The following FAM135B variants were observed in gnomAD, a reference collection of about 807,000 sequenced individuals.
The protein encoded by FAM135B is protein FAM135B.
A neutral mutation model predicts 127.7 loss-of-function variants in FAM135B; 43 were observed. The observed-to-expected ratio is 0.34, with a 90% confidence interval of 0.26 to 0.43. The LOEUF (loss-of-function observed/expected upper bound fraction) is 0.43, where lower values mean the gene tolerates loss of function less well. Ranked by LOEUF, FAM135B falls within the 20% of genes least tolerant of loss-of-function variation. FAM135B has a pLI of 1.00. For missense variants in FAM135B, 1,558 were observed against 1,725.6 expected, an observed-to-expected ratio of 0.90 and a Z score of 1.72; for synonymous variants, 670 against 665.1, an observed-to-expected ratio of 1.01 and a Z score of -0.11.
intron 1 of FAM135B, among the ~76,000 whole-genome samples, chr8:138,414,974 A>G (rs1834059373): frequency 6.6e-6 from 1 of 152,204 alleles, no homozygotes; most frequent in African/African-American, 2.4e-5. Flanking sequence ...TAAAGGGTCC[A>G]GAATCCAGAA....
chr8:138,361,089 C>G (rs970935703), intron 2 of FAM135B, among the ~76,000 whole-genome samples: 1 of 152,108 alleles, frequency 6.6e-6, no homozygotes, highest in African/African-American at 2.4e-5. Context: ...CCATGTCCAG[C>G]TAATTTTTTT....
chr8:138,414,943 T>C (rs968316075), intron 1 of FAM135B, among the ~76,000 whole-genome samples: 1 of 152,122 alleles, frequency 6.6e-6, no homozygotes, highest in African/African-American at 2.4e-5. Flanking sequence ...AAGCACCAAA[T>C]GGTTTCCTAT....
intron 3 of FAM135B, among the ~76,000 whole-genome samples, chr8:138,281,823 AT>A (rs1313585501): frequency 3.9e-5 from 6 of 152,120 alleles, no homozygotes; most frequent in Non-Finnish European, 8.8e-5. Flanking sequence ...TTTTTAAATT[AT>A]TTTAGAGACA....
At chr8:138,263,921 A>G (rs1822724596) in intron 4 of FAM135B, among the ~76,000 whole-genome samples, 2 of 152,242 alleles carry the variant, frequency 1.3e-5, no homozygotes, top group Non-Finnish European at 2.9e-5. Flanking sequence ...GAGAGGGACG[A>G]CAAAATTCTA....
intron 1 of FAM135B, among the ~76,000 whole-genome samples, chr8:138,468,914 G>A (rs142291606): frequency 0.013 from 2,039 of 152,162 alleles, 16 homozygotes; most frequent in South Asian, 0.024. Context: ...GCATGGTGGC[G>A]CATGCCTGTA....
chr8:138,465,224 G>T (rs1440452099), intron 1 of FAM135B, among the ~76,000 whole-genome samples: 3 of 152,278 alleles, frequency 2.0e-5, no homozygotes, highest in South Asian at 2.1e-4. Context: ...CACGTATCAG[G>T]TGTTTAGACC....
At chr8:138,319,534 G>A (rs1512401) in intron 2 of FAM135B, among the ~76,000 whole-genome samples, 139,855 of 152,096 alleles carry the variant, frequency 0.92, 64,903 homozygotes, top group Non-Finnish European at 0.98. Flanking sequence ...ATGGGCCATT[G>A]GTTTCATCAG....
rs191713322 is a variant in FAM135B at position 138,146,882 on chromosome 8, C to T, written c.3449-832G>A. 2.7e-3 allele frequency among the ~76,000 whole-genome samples: 405 copies of T among 152,280 alleles called. 2 individuals are homozygous for T. The highest frequency in any genetic ancestry group is 9.4e-3 in the African/African-American group (390 of 41,568). On this transcript the variant is annotated intron_variant, in intron 14 of 19. Transcript: ENST00000395297. ...TGGATATATAAATTACCTACTTTGT[C>T]ATGTAAATATACCCCACAGGTCATA... is the stretch of plus-strand genomic sequence containing the variant.
chr8:138,337,707 C>T (rs910779102), intron 2 of FAM135B, among the ~76,000 whole-genome samples: 1 of 152,036 alleles, frequency 6.6e-6, no homozygotes, highest in Non-Finnish European at 1.5e-5. Flanking sequence ...AGATTCAATG[C>T]CATCCCCATC....
chr8:138,346,814 TG>T (rs1829441708), intron 2 of FAM135B, among the ~76,000 whole-genome samples: 1 of 152,166 alleles, frequency 6.6e-6, no homozygotes, highest in African/African-American at 2.4e-5. Context: ...ACATGTACCC[TG>T]GAACTTAAAA....
chr8:138,365,568 T>C (rs1830684985), intron 2 of FAM135B, among the ~76,000 whole-genome samples: 1 of 152,230 alleles, frequency 6.6e-6, no homozygotes, highest in Admixed American at 6.5e-5. Context: ...TTATCATCTT[T>C]AATTTTTACT....
intron 12 of FAM135B, among the ~76,000 whole-genome samples, chr8:138,166,011 T>C (rs1032201497): frequency 3.3e-5 from 5 of 152,230 alleles, no homozygotes; most frequent in Non-Finnish European, 7.3e-5. Context: ...ATTTAAATGA[T>C]GGGCACCTAA....
intron 2 of FAM135B, among the ~76,000 whole-genome samples, chr8:138,357,022 G>A (rs1215883612): frequency 6.6e-6 from 1 of 152,120 alleles, no homozygotes; most frequent in African/African-American, 2.4e-5. Flanking sequence ...TTCAATGATA[G>A]AAGAGTTTGA....
chr8:138,151,636 T>G lies in FAM135B; in HGVS notation c.2839A>C (p.Asn947His). 1 of 1,614,210 alleles carries G rather than the reference T, an allele frequency of 6.2e-7. No individual in the cohort carries two copies. Among genetic ancestry groups the G allele is most frequent in the East Asian group, 2.2e-5 (1 of 44,866 alleles). ...LSCTSAADAINRNSTGQQSQS... is the reference protein window; with the variant it reads ...LSCTSAADAIHRNSTGQQSQS... ...CTTTGCTGGCCTGTTGAGTTCCTGT[T>G]GATGGCATCAGCAGCTGACGTACAG... Residue 947 changes from asparagine (N) to histidine (H), a missense_variant, in exon 13 of 20, where the codon AAC becomes CAC. Asn to His is a moderately conservative substitution (Grantham distance 68). This residue lies in a region of FAM135B where 923 missense variants were observed against 865.3 expected (regional missense o/e 1.07). Coordinates refer to ENST00000395297, the MANE Select transcript of FAM135B (RefSeq NM_015912.4).
chr8:138,434,130 T>A (rs1412242768), intron 1 of FAM135B, among the ~76,000 whole-genome samples: 1 of 152,242 alleles, frequency 6.6e-6, no homozygotes, highest in East Asian at 1.9e-4. Flanking sequence ...TTAGTTTAGC[T>A]GTGTTTTAGC....
intron 7 of FAM135B, among the ~76,000 whole-genome samples, chr8:138,200,648 T>A (rs1251038616): frequency 1.3e-5 from 2 of 152,160 alleles, no homozygotes; most frequent in African/African-American, 2.4e-5. Context: ...GCCTAATAAT[T>A]TTTTTCTTGT....
At chr8:138,379,982 C>T (rs570488171) in intron 1 of FAM135B, among the ~76,000 whole-genome samples, 1 of 152,078 alleles carries the variant, frequency 6.6e-6, no homozygotes, top group Non-Finnish European at 1.5e-5. Flanking sequence ...GAATATCACA[C>T]CATCTAATTT....
At chr8:138,435,281 A>G (rs1197264977) in intron 1 of FAM135B, among the ~76,000 whole-genome samples, 2 of 152,144 alleles carry the variant, frequency 1.3e-5, no homozygotes, top group Admixed American at 1.3e-4. Context: ...TGGGTGACAG[A>G]GTAAGACTCC....
chr8:138,415,164 A>T (rs116162939), intron 1 of FAM135B, among the ~76,000 whole-genome samples: 2,674 of 152,284 alleles, frequency 0.018, 74 homozygotes, highest in African/African-American at 0.06. Flanking sequence ...TTTCAACCTC[A>T]CAGAAAAGTG....
Sources: allele counts gnomAD v4.1 joint callset (sites outside exome capture counted in the v4.1 genomes callset), GRCh38; gene constraint gnomAD v4.1.1; regional missense constraint gnomAD v4.1.1; transcripts MANE v1.5; gene names NCBI Gene and HGNC (gene_info 2026-07-23, HGNC 2026-07-21).